Variants in ADGRL2 observed in about 807,000 individuals in gnomAD.
ADGRL2 encodes the protein calcium-independent alpha-latrotoxin receptor 2.
Under a neutral mutation model 157.4 loss-of-function variants are expected in ADGRL2, and 44 were observed. The ratio of observed to expected loss-of-function variants is 0.28; its 90% confidence interval spans 0.22 to 0.36. The LOEUF (loss-of-function observed/expected upper bound fraction) is 0.36. Ranked by LOEUF, ADGRL2 falls within the 10% of genes least tolerant of loss-of-function variation. The probability of loss-of-function intolerance (pLI) is 1.00; values close to 1 mark genes in which losing one functional copy is unlikely to be tolerated. For synonymous variants in ADGRL2, 585 were observed against 624.7 expected (o/e 0.94, Z 0.95); for missense variants, 1,510 against 1,768.9 (o/e 0.85, Z 2.63).
At chr1:81,353,037 AT>A (rs1172326224) in intron 1 of ADGRL2, among the ~76,000 whole-genome samples, 36 of 152,174 alleles carry the variant, frequency 2.4e-4, no homozygotes, top group Admixed American at 6.5e-5. Context: ...TGTATAATGA[AT>A]GCTTGCTTAC....
chr1:81,433,150 T>C (rs553258316), intron 1 of ADGRL2, among the ~76,000 whole-genome samples: 74 of 152,298 alleles, frequency 4.9e-4, no homozygotes, highest in African/African-American at 1.7e-3. Flanking sequence ...TGCCAAGAAA[T>C]TTGATTTTGT....
chr1:81,679,701 T>G (rs1463577929), intron 3 of ADGRL2, among the ~76,000 whole-genome samples: 1 of 152,210 alleles, frequency 6.6e-6, no homozygotes, highest in Non-Finnish European at 1.5e-5. Flanking sequence ...AAAGGAGTAA[T>G]ATTTTCTAGA....
At chr1:81,977,693 A>G (rs929395514) in intron 17 of ADGRL2, among the ~76,000 whole-genome samples, 1 of 151,704 alleles carries the variant, frequency 6.6e-6, no homozygotes, top group Non-Finnish European at 1.5e-5. Flanking sequence ...CTTTCTTTCC[A>G]GAATGTTTTA....
intron 1 of ADGRL2, among the ~76,000 whole-genome samples, chr1:81,420,406 T>G (rs1231629751): frequency 6.6e-6 from 1 of 152,184 alleles, no homozygotes; most frequent in African/African-American, 2.4e-5. Flanking sequence ...TACAAATACC[T>G]TACCAGAAAG....
intron 1 of ADGRL2, among the ~76,000 whole-genome samples, chr1:81,750,469 A>C (rs761339791): frequency 7.9e-5 from 12 of 152,242 alleles, no homozygotes; most frequent in African/African-American, 2.9e-4. Context: ...CTGTAATCCC[A>C]GCACTTTGGG....
chr1:81,815,606 G>A (rs1029330371), intron 1 of ADGRL2, among the ~76,000 whole-genome samples: 2 of 151,724 alleles, frequency 1.3e-5, no homozygotes, highest in East Asian at 3.9e-4. Context: ...TATTATTACT[G>A]CTTAAAATAT....
chr1:81,443,411 T>C (rs754142217), intron 1 of ADGRL2, among the ~76,000 whole-genome samples: 2 of 150,776 alleles, frequency 1.3e-5, no homozygotes, highest in Non-Finnish European at 2.9e-5. Flanking sequence ...CAATCCAGCC[T>C]GAGTGACAAG....
intron 3 of ADGRL2, among the ~76,000 whole-genome samples, chr1:81,935,685 C>G (rs2095300966): frequency 2.0e-5 from 3 of 151,842 alleles, no homozygotes; most frequent in Admixed American, 2.0e-4. Context: ...GCTTGATTTG[C>G]CTTCTTAATG....
At chr1:81,766,766 A>G (rs2086138478) in intron 2 of ADGRL2, among the ~76,000 whole-genome samples, 1 of 141,824 alleles carries the variant, frequency 7.1e-6, no homozygotes, top group Non-Finnish European at 1.5e-5. Context: ...GGAGGCGGAG[A>G]TTGTGGTGAG....
At chr1:81,552,916 G>T (rs1381065748) in intron 2 of ADGRL2, among the ~76,000 whole-genome samples, 1 of 152,076 alleles carries the variant, frequency 6.6e-6, no homozygotes, top group African/African-American at 2.4e-5. Flanking sequence ...TTTTCCCCCA[G>T]TGTGTCAAAA....
chr1:81,427,000 T>C, intron 1 of ADGRL2: 3 of 934,880 alleles, frequency 3.2e-6, no homozygotes, highest in Non-Finnish European at 5.2e-6. Flanking sequence ...TTGATAACAT[T>C]GTTATTCAGA....
Position 81,943,660 on chromosome 1 carries a change from G to C in ADGRL2, c.1101G>C (p.Gln367His). 1 of 1,613,546 alleles carries C rather than the reference G, an allele frequency of 6.2e-7. No individual in the cohort carries two copies. The highest frequency in any genetic ancestry group is 8.5e-7 in the Non-Finnish European group (1 of 1,179,602). ...YVDVPFPNQY[Q>H]YIAAVDYNPR... ...ATGTTCCCTTCCCCAACCAGTATCAGTATATTGCTGCAGTGGATTACAATC... is the reference window on the plus strand; with the variant it reads ...ATGTTCCCTTCCCCAACCAGTATCACTATATTGCTGCAGTGGATTACAATC... Residue 367 changes from glutamine to histidine, a missense_variant, in exon 6 of 24, where the codon CAG (glutamine) becomes CAC (histidine). Coordinates refer to ENST00000686636, the MANE Select transcript of ADGRL2 (RefSeq NM_001366006.2). The surrounding 1 kb of genome is among the most constrained non-coding windows in gnomAD (Gnocchi z 5.6).
chr1:81,636,752 C>T (rs915185012), intron 3 of ADGRL2, among the ~76,000 whole-genome samples: 3 of 152,118 alleles, frequency 2.0e-5, no homozygotes, highest in Non-Finnish European at 2.9e-5. Context: ...TTAGTAAATG[C>T]TAATGTGCAT....
chr1:81,468,074 G>A (rs2078097559), intron 2 of ADGRL2, among the ~76,000 whole-genome samples: 2 of 152,008 alleles, frequency 1.3e-5, no homozygotes, highest in African/African-American at 4.8e-5. Flanking sequence ...GTTTAGATTT[G>A]GTTTTCTCGA....
intron 1 of ADGRL2, among the ~76,000 whole-genome samples, chr1:81,399,530 G>T (rs116455580): frequency 0.012 from 1,754 of 151,684 alleles, 32 homozygotes; most frequent in African/African-American, 0.04. Context: ...CCATCTTCAA[G>T]TTCAAAGATT....
intron 1 of ADGRL2, among the ~76,000 whole-genome samples, chr1:81,373,279 C>T (rs2076191622): frequency 6.6e-6 from 1 of 152,206 alleles, no homozygotes; most frequent in South Asian, 2.1e-4. Flanking sequence ...TCCCACTTCT[C>T]AAAATGTTAG....
chr1:81,714,609 A>T (rs1012987120), intron 1 of ADGRL2, among the ~76,000 whole-genome samples: 1 of 152,190 alleles, frequency 6.6e-6, no homozygotes, highest in African/African-American at 2.4e-5. Context: ...CAAAACTCTA[A>T]AGGGGATAAA....
At chr1:81,445,235 A>G (rs1258579131) in intron 2 of ADGRL2, 3 of 152,220 alleles carry the variant, frequency 2.0e-5, no homozygotes, top group Non-Finnish European at 4.4e-5. Flanking sequence ...AGATAAAATC[A>G]TGATCCTGGG....
At chr1:81,678,833 T>A (rs899090698) in intron 3 of ADGRL2, among the ~76,000 whole-genome samples, 4 of 152,148 alleles carry the variant, frequency 2.6e-5, no homozygotes, top group South Asian at 2.1e-4. Context: ...AAGCCAAACA[T>A]CCTGGTGTGC....
Sources: gnomAD v4.1 joint callset for allele counts (sites outside exome capture counted in the v4.1 genomes callset) on GRCh38, gnomAD v4.1.1 for gene constraint, Gnocchi (gnomAD v3.1) non-coding constraint, MANE v1.5 for transcripts, NCBI Gene and HGNC (gene_info 2026-07-23, HGNC 2026-07-21) for gene names.